The following CFAP221 variants were observed in gnomAD, a reference collection of about 807,000 sequenced individuals.
CFAP221 encodes the protein cilia and flagella associated protein 221.
A neutral mutation model predicts 113.1 loss-of-function variants in CFAP221; 97 were observed. That is an observed-to-expected ratio of 0.86 (90% CI 0.73 to 1.02). The LOEUF is 1.02. Ranked by LOEUF, CFAP221 falls within the 50% of genes least tolerant of loss-of-function variation. The pLI, the probability that CFAP221 is intolerant of heterozygous loss-of-function variation, is 0.00. For missense variants in CFAP221, 1,025 were observed against 1,013.4 expected, an observed-to-expected ratio of 1.01 and a Z score of -0.16; for synonymous variants, 331 against 354.4, an observed-to-expected ratio of 0.93 and a Z score of 0.74.
chr2:119,558,745 G>A (rs116499848), intron 3 of CFAP221, among the ~76,000 whole-genome samples: 2,700 of 152,110 alleles, frequency 0.018, 31 homozygotes, highest in Non-Finnish European at 0.025. Context: ...TTGCTTGAAC[G>A]CAGGAGTTCG....
At chr2:119,626,853 C>A (rs562820275) in intron 15 of CFAP221, among the ~76,000 whole-genome samples, 1 of 151,942 alleles carries the variant, frequency 6.6e-6, no homozygotes, top group East Asian at 1.9e-4. Flanking sequence ...TCAGCTAAGC[C>A]CAGGAGTTCA....
intron 22 of CFAP221, chr2:119,648,528 C>G: frequency 4.7e-6 from 1 of 214,838 alleles, no homozygotes; most frequent in South Asian, 5.9e-5. Context: ...GACAAGAGCT[C>G]CGGCACATTA....
chr2:119,559,583 G>T (rs1681072244), intron 3 of CFAP221, 106 bp from the exon 4 acceptor site: 1 of 901,068 alleles, frequency 1.1e-6, no homozygotes, highest in South Asian at 1.6e-5. Flanking sequence ...GTTAAATATA[G>T]GATATCTCCT....
chr2:119,617,352 C>T (rs544722642), intron 14 of CFAP221, among the ~76,000 whole-genome samples: 2 of 152,310 alleles, frequency 1.3e-5, no homozygotes, highest in South Asian at 4.1e-4. Context: ...TATGTGCAAA[C>T]AGAGTCCACC....
rs917279154 is a variant in CFAP221 at position 119,555,422 on chromosome 2, T to C, written c.241-4267T>C. ...ACGCTGGATTACTTGTGTTTTGTTATGTTTTCAAATAAACTCTTCATATTA... is the reference window on the plus strand; with the variant it reads ...ACGCTGGATTACTTGTGTTTTGTTACGTTTTCAAATAAACTCTTCATATTA... On this transcript the variant is annotated intron_variant, in intron 3 of 23. Coordinates refer to ENST00000413369, the MANE Select transcript of CFAP221 (RefSeq NM_001271049.2). Among the ~76,000 whole-genome samples the C allele has an allele frequency of 1.1e-4, 16 of 152,358 alleles. No individual in the cohort carries two copies. In the East Asian group the frequency reaches 2.5e-3, roughly 24 times the overall value.
At chr2:119,641,531 C>G (rs780689662) in intron 21 of CFAP221, among the ~76,000 whole-genome samples, 1 of 152,144 alleles carries the variant, frequency 6.6e-6, no homozygotes, top group Non-Finnish European at 1.5e-5. Context: ...CCAGTTCAGT[C>G]CTTGGGCGAG....
At chr2:119,566,765 C>T (rs960860015) in intron 6 of CFAP221, among the ~76,000 whole-genome samples, 16 of 152,294 alleles carry the variant, frequency 1.1e-4, no homozygotes, top group African/African-American at 3.8e-4. Context: ...TGGGTCAGTG[C>T]CTCTTTTGGC....
intron 21 of CFAP221, among the ~76,000 whole-genome samples, chr2:119,643,093 G>A (rs1687594050): frequency 1.3e-5 from 2 of 152,132 alleles, no homozygotes; most frequent in African/African-American, 4.8e-5. Context: ...ACCTGGCCTG[G>A]GAGTTATGTT....
intron 8 of CFAP221, 120 bp from the exon 9 acceptor site, chr2:119,604,552 A>G (rs898997839): frequency 5.5e-6 from 5 of 911,300 alleles, no homozygotes; most frequent in African/African-American, 1.7e-5. Context: ...GCACACATTT[A>G]TTTTCAGTTT....
intron 22 of CFAP221, among the ~76,000 whole-genome samples, chr2:119,647,399 C>A (rs561047934): frequency 7.2e-5 from 11 of 152,260 alleles, no homozygotes; most frequent in African/African-American, 2.4e-4. Flanking sequence ...AAATACAAGT[C>A]CAGAAGTAAG....
chr2:119,556,281 A>T (rs1360575961), intron 3 of CFAP221: 3 of 152,104 alleles, frequency 2.0e-5, no homozygotes, highest in Admixed American at 2.0e-4. Flanking sequence ...TTCAGTCTCC[A>T]CTAGTCTCCA....
chr2:119,565,431 C>T (rs1574012460), intron 6 of CFAP221, among the ~76,000 whole-genome samples: 1 of 152,138 alleles, frequency 6.6e-6, no homozygotes, highest in East Asian at 1.9e-4. Flanking sequence ...TTGTTTGGAT[C>T]ATAAGCCAGG....
intron 23 of CFAP221, among the ~76,000 whole-genome samples, chr2:119,653,245 G>T (rs915078690): frequency 1.3e-5 from 2 of 151,986 alleles, no homozygotes; most frequent in African/African-American, 4.8e-5. Flanking sequence ...GCTGGGCGTG[G>T]TGGCAGGTGC....
intron 14 of CFAP221, among the ~76,000 whole-genome samples, chr2:119,625,173 T>G (rs1686210958): frequency 6.6e-6 from 1 of 152,200 alleles, no homozygotes; most frequent in African/African-American, 2.4e-5. Flanking sequence ...CAGTTAGCAT[T>G]GCCCATAACC....
At chr2:119,641,818 A>T (rs73948916) in intron 21 of CFAP221, among the ~76,000 whole-genome samples, 5,943 of 152,298 alleles carry the variant, frequency 0.039, 266 homozygotes, top group African/African-American at 0.11. Context: ...AGGATGCTTC[A>T]GAACTGACCT....
chr2:119,618,701 A>C (rs1439373653), intron 14 of CFAP221, among the ~76,000 whole-genome samples: 1 of 152,072 alleles, frequency 6.6e-6, no homozygotes, highest in Non-Finnish European at 1.5e-5. Flanking sequence ...AGTTTTTTTC[A>C]TACCCCAGTG....
intron 3 of CFAP221, among the ~76,000 whole-genome samples, chr2:119,557,685 T>C (rs1573992074): frequency 6.6e-6 from 1 of 151,490 alleles, no homozygotes; most frequent in East Asian, 1.9e-4. Context: ...GATGCTGGGT[T>C]AGGATCCTTC....
intron 3 of CFAP221, among the ~76,000 whole-genome samples, chr2:119,550,791 C>A (rs192314842): frequency 5.9e-5 from 9 of 152,126 alleles, no homozygotes; most frequent in Admixed American, 5.9e-4. Flanking sequence ...GTATACAATT[C>A]AATAATTTTT....
At chr2:119,566,557 C>A (rs981363618) in intron 6 of CFAP221, among the ~76,000 whole-genome samples, 6 of 144,664 alleles carry the variant, frequency 4.1e-5, no homozygotes, top group Admixed American at 1.3e-4. Context: ...GCATGAGTAC[C>A]CCCCCAGCTC....
Sources: gnomAD v4.1 joint callset for allele counts (sites outside exome capture counted in the v4.1 genomes callset) on GRCh38, gnomAD v4.1.1 for gene constraint, MANE v1.5 for transcripts, NCBI Gene and HGNC (gene_info 2026-07-23, HGNC 2026-07-21) for gene names.